Variants in LINGO2 observed in about 807,000 individuals in gnomAD.
The protein encoded by LINGO2 is leucine-rich repeat and immunoglobulin-like domain-containing nogo receptor-interacting protein 2.
Under a neutral mutation model 30.6 loss-of-function variants are expected in LINGO2, and 14 were observed. The ratio of observed to expected loss-of-function variants is 0.46; its 90% confidence interval spans 0.30 to 0.72. The LOEUF is 0.72. Ranked by LOEUF, LINGO2 falls within the 30% of genes least tolerant of loss-of-function variation. LINGO2 has a pLI of 0.07. For synonymous variants in LINGO2, 317 were observed against 288.5 expected, an observed-to-expected ratio of 1.10 and a Z score of -1.00; for missense variants, 729 against 751.7, an observed-to-expected ratio of 0.97 and a Z score of 0.35.
the LINGO2 span, among the ~76,000 whole-genome samples, chr9:29,093,021 ATG>A: frequency 7.3e-5 from 4 of 54,770 alleles, 1 homozygote; most frequent in Non-Finnish European, 1.4e-4. Context: ...ATATATGATA[ATG>A]TGTGTGTATA....
intron 2 of LINGO2, among the ~76,000 whole-genome samples, chr9:28,427,934 T>C (rs932437271): frequency 6.6e-6 from 1 of 152,156 alleles, no homozygotes; most frequent in African/African-American, 2.4e-5. Context: ...ATTGAGACCC[T>C]TGAAATCATC....
intron 1 of LINGO2, among the ~76,000 whole-genome samples, chr9:28,497,197 T>C (rs1167281305): frequency 1.3e-5 from 2 of 152,172 alleles, no homozygotes; most frequent in African/African-American, 4.8e-5. Flanking sequence ...TGAATTTGAA[T>C]GTTGGCCTGC....
At chr9:28,285,887 C>T (rs1215382407) in intron 4 of LINGO2, among the ~76,000 whole-genome samples, 1 of 152,152 alleles carries the variant, frequency 6.6e-6, no homozygotes, top group Non-Finnish European at 1.5e-5. Context: ...ACATACCCAA[C>T]AGCCAGAAAA....
At chr9:28,696,011 G>A in the LINGO2 span, among the ~76,000 whole-genome samples, 36 of 151,728 alleles carry the variant, frequency 2.4e-4, no homozygotes, top group Non-Finnish European at 3.0e-4. Flanking sequence ...AAATAATAGT[G>A]AGAAACCGTT....
chr9:28,264,621 C>A (rs1271669595), intron 4 of LINGO2, among the ~76,000 whole-genome samples: 1 of 151,810 alleles, frequency 6.6e-6, no homozygotes, highest in Non-Finnish European at 1.5e-5. Context: ...ACAGGGCATG[C>A]TATGGAAAAG....
chr9:28,548,167 T>G (rs2135489167), intron 1 of LINGO2, among the ~76,000 whole-genome samples: 1 of 152,174 alleles, frequency 6.6e-6, no homozygotes, highest in East Asian at 1.9e-4. Context: ...GTTCAAATCC[T>G]TTTATCACTC....
At chr9:29,148,030 A>C in the LINGO2 span, among the ~76,000 whole-genome samples, 1 of 152,094 alleles carries the variant, frequency 6.6e-6, no homozygotes, top group African/African-American at 2.4e-5. Flanking sequence ...AGAGTAGCCA[A>C]TTTTGTAACA....
At chr9:28,961,433 T>G in the LINGO2 span, among the ~76,000 whole-genome samples, 821 of 152,256 alleles carry the variant, frequency 5.4e-3, 7 homozygotes, top group African/African-American at 0.019. Flanking sequence ...TAATTGTATT[T>G]TGCATGTTTA....
intron 2 of LINGO2, among the ~76,000 whole-genome samples, chr9:28,404,658 A>T (rs532057196): frequency 6.6e-6 from 1 of 152,254 alleles, no homozygotes; most frequent in Non-Finnish European, 1.5e-5. Flanking sequence ...ATTTCTTTTG[A>T]CATAAATTTC....
the LINGO2 span, among the ~76,000 whole-genome samples, chr9:28,793,859 C>T: frequency 1.3e-5 from 2 of 152,182 alleles, no homozygotes; most frequent in Non-Finnish European, 2.9e-5. Context: ...AGGTGATTCA[C>T]ATGCATATTA....
At chr9:28,374,210 T>TATATATA (rs1554713024) in intron 2 of LINGO2, among the ~76,000 whole-genome samples, 5 of 130,564 alleles carry the variant, frequency 3.8e-5, no homozygotes, top group African/African-American at 1.4e-4. Context: ...ATGTTTTTAT[T>TATATATA]TATATATATA....
chr9:28,901,565 G>A, the LINGO2 span, among the ~76,000 whole-genome samples: 3 of 151,738 alleles, frequency 2.0e-5, no homozygotes, highest in Non-Finnish European at 2.9e-5. Flanking sequence ...AACATAAAAT[G>A]TATGCATAGG....
chr9:28,477,577 G>C (rs1242879589), intron 1 of LINGO2, among the ~76,000 whole-genome samples: 1 of 152,080 alleles, frequency 6.6e-6, no homozygotes. Flanking sequence ...CAGAAATGTA[G>C]GCATCTCCTT....
At chr9:29,014,903 T>C in the LINGO2 span, among the ~76,000 whole-genome samples, 2 of 152,192 alleles carry the variant, frequency 1.3e-5, no homozygotes, top group Non-Finnish European at 2.9e-5. Context: ...ACAATCTTTC[T>C]GACATACATT....
At chr9:28,211,297 T>A (rs1361286879) in intron 4 of LINGO2, among the ~76,000 whole-genome samples, 2 of 151,256 alleles carry the variant, frequency 1.3e-5, no homozygotes, top group African/African-American at 4.8e-5. Context: ...CTTTTTTTTT[T>A]TTTTTTTAGT....
intron 1 of LINGO2, among the ~76,000 whole-genome samples, chr9:28,501,435 A>C (rs1819877941): frequency 6.6e-6 from 1 of 152,210 alleles, no homozygotes; most frequent in Non-Finnish European, 1.5e-5. Flanking sequence ...AATTGAATGA[A>C]GCAAAGAACA....
intron 2 of LINGO2, among the ~76,000 whole-genome samples, chr9:28,401,223 T>C (rs1436299143): frequency 6.6e-6 from 1 of 152,148 alleles, no homozygotes; most frequent in Non-Finnish European, 1.5e-5. Context: ...ATTTGTTACA[T>C]AGGTATATTT....
At chr9:28,310,783 T>G (rs891226644) in intron 3 of LINGO2, among the ~76,000 whole-genome samples, 1 of 152,212 alleles carries the variant, frequency 6.6e-6, no homozygotes, top group Non-Finnish European at 1.5e-5. Flanking sequence ...GTATAAAGTT[T>G]AATTTGAAAA....
chr9:28,060,971 C>A (rs1036312396), intron 4 of LINGO2, among the ~76,000 whole-genome samples: 1 of 151,924 alleles, frequency 6.6e-6, no homozygotes, highest in South Asian at 2.1e-4. Context: ...AATTTCAATC[C>A]CCATTTTTTA....
Sources: gnomAD v4.1 joint callset for allele counts (sites outside exome capture counted in the v4.1 genomes callset) on GRCh38, gnomAD v4.1.1 for gene constraint, MANE v1.5 for transcripts, NCBI Gene and HGNC (gene_info 2026-07-23, HGNC 2026-07-21) for gene names.